Variants in IGSF11 observed in about 807,000 individuals in gnomAD.
The protein encoded by IGSF11 is immunoglobulin superfamily member 11.
A neutral mutation model predicts 41.0 loss-of-function variants in IGSF11; 22 were observed. The ratio of observed to expected loss-of-function variants is 0.54; its 90% CI spans 0.38 to 0.77. IGSF11 has a LOEUF of 0.77. Ranked by LOEUF, IGSF11 falls within the 30% of genes least tolerant of loss-of-function variation. The probability of loss-of-function intolerance (pLI) is 0.00; values close to 1 mark genes in which losing one functional copy is unlikely to be tolerated. For missense variants in IGSF11, 444 were observed against 530.8 expected (o/e 0.84, Z 1.61); for synonymous variants, 219 against 201.3 (o/e 1.09, Z -0.74).
intron 1 of IGSF11, among the ~76,000 whole-genome samples, chr3:118,936,882 C>G (rs1943319823): frequency 6.6e-6 from 1 of 152,164 alleles, no homozygotes; most frequent in African/African-American, 2.4e-5. Context: ...ACTACACAGC[C>G]AAGAGAACAG....
At chr3:119,101,421 A>G (rs907618782) in intron 1 of IGSF11, among the ~76,000 whole-genome samples, 1 of 152,170 alleles carries the variant, frequency 6.6e-6, no homozygotes, top group Non-Finnish European at 1.5e-5. Flanking sequence ...AGGCAGGAGA[A>G]TCACTTGAAT....
chr3:118,911,180 T>G (rs1024005942), intron 4 of IGSF11, among the ~76,000 whole-genome samples: 1 of 152,062 alleles, frequency 6.6e-6, no homozygotes, highest in South Asian at 2.1e-4. Context: ...AATACAGTTA[T>G]AACTGTTGAC....
At chr3:118,909,094 T>TA (rs1455865420) in intron 4 of IGSF11, among the ~76,000 whole-genome samples, 1 of 152,178 alleles carries the variant, frequency 6.6e-6, no homozygotes, top group African/African-American at 2.4e-5. Context: ...TTCCGAATCA[T>TA]AAAAAAATTC....
chr3:118,997,349 A>G (rs1373586403), intron 1 of IGSF11, among the ~76,000 whole-genome samples: 1 of 152,234 alleles, frequency 6.6e-6, no homozygotes, highest in Admixed American at 6.5e-5. Context: ...GAAAGATTAA[A>G]GTGTCTCTCT....
At chr3:118,963,151 C>T (rs971521522) in intron 1 of IGSF11, among the ~76,000 whole-genome samples, 4 of 152,128 alleles carry the variant, frequency 2.6e-5, no homozygotes, top group African/African-American at 9.7e-5. Flanking sequence ...GTCATACCCG[C>T]TTAAAATGCT....
chr3:118,911,777 C>T (rs2107486739), intron 4 of IGSF11, among the ~76,000 whole-genome samples: 1 of 152,126 alleles, frequency 6.6e-6, no homozygotes, highest in East Asian at 1.9e-4. Flanking sequence ...CTGAGTGTTA[C>T]AACCACGCCA....
intron 1 of IGSF11, among the ~76,000 whole-genome samples, chr3:118,955,919 C>T (rs1469601476): frequency 1.3e-5 from 2 of 152,172 alleles, no homozygotes; most frequent in Non-Finnish European, 2.9e-5. Flanking sequence ...TTTCTTCAAA[C>T]AGAAGGCTGT....
intron 1 of IGSF11, among the ~76,000 whole-genome samples, chr3:118,970,271 T>G (rs1400300354): frequency 6.6e-6 from 1 of 152,124 alleles, no homozygotes; most frequent in Non-Finnish European, 1.5e-5. Flanking sequence ...CTGAAAAAAA[T>G]AATTCCTATT....
chr3:119,005,439 A>C lies in IGSF11; in HGVS notation c.52+29092T>G, dbSNP rs367770239. Among the ~76,000 whole-genome samples, 36 of 151,148 alleles carry C rather than the reference A, an allele frequency of 2.4e-4. No homozygotes were observed. The East Asian group carries it at 6.6e-3, about 28-fold the overall frequency. ...TCCAACTCGCCAGTCTGTGTCTTTT[A>C]ATTGGAGCATTTAGTCCATTTACAT... is the stretch of plus-strand genomic sequence containing the variant. On this transcript the variant is annotated intron_variant, in intron 1 of 6. Coordinates refer to ENST00000393775, the MANE Select transcript of IGSF11 (RefSeq NM_001015887.3).
Position 119,034,618 on chromosome 3 carries a change from G to T in IGSF11, c.-36C>A, listed in dbSNP as rs111941506. The T allele has an allele frequency of 3.8e-6, 6 of 1,559,946 alleles. No individual in the cohort carries two copies. In the South Asian group the frequency reaches 7.2e-5, roughly 19 times the overall value. On this transcript the variant is annotated 5_prime_UTR_variant, in exon 1 of 7. Transcript: ENST00000393775. ...CAGGGAGCGCGCCTGCCTCCTACCC[G>T]GCTCCCGGTCGCAACAGGAGAGGAG...
intron 1 of IGSF11, among the ~76,000 whole-genome samples, chr3:119,119,514 C>T (rs761790610): frequency 5.9e-5 from 9 of 152,172 alleles, no homozygotes; most frequent in Non-Finnish European, 1.3e-4. Flanking sequence ...TGGGTGGGGA[C>T]ACAACCAAAC....
intron 1 of IGSF11, among the ~76,000 whole-genome samples, chr3:119,042,995 C>T (rs574860908): frequency 1.2e-4 from 18 of 152,264 alleles, no homozygotes; most frequent in South Asian, 2.1e-4. Flanking sequence ...CTTGGCCTAA[C>T]GGATTCCAGG....
intron 1 of IGSF11, among the ~76,000 whole-genome samples, chr3:119,110,439 C>T (rs929369114): frequency 2.0e-5 from 3 of 152,086 alleles, no homozygotes; most frequent in African/African-American, 4.8e-5. Flanking sequence ...TTTCCATTTG[C>T]TTGGTAGATC....
chr3:119,079,857 G>A (rs1489951343), intron 1 of IGSF11, among the ~76,000 whole-genome samples: 2 of 152,212 alleles, frequency 1.3e-5, no homozygotes, highest in East Asian at 1.9e-4. Flanking sequence ...ACAAAACAGG[G>A]AACAAAAGAC....
chr3:119,094,578 C>A (rs1550092), intron 1 of IGSF11, among the ~76,000 whole-genome samples: 63,775 of 151,156 alleles, frequency 0.42, 14,282 homozygotes, highest in Non-Finnish European at 0.51. Flanking sequence ...GTGAGTGCAA[C>A]CAAAATTGAA....
At chr3:118,988,760 C>T (rs1332425217) in intron 1 of IGSF11, among the ~76,000 whole-genome samples, 2 of 152,222 alleles carry the variant, frequency 1.3e-5, no homozygotes, top group Non-Finnish European at 2.9e-5. Context: ...TTCAATGGCA[C>T]TACGAGTTCT....
chr3:118,974,852 A>G (rs985081095), intron 1 of IGSF11, among the ~76,000 whole-genome samples: 3 of 152,124 alleles, frequency 2.0e-5, no homozygotes, highest in South Asian at 2.1e-4. Flanking sequence ...AGTTAATCTC[A>G]TTAAAAATAT....
At chr3:118,933,947 C>G (rs1171915423) in intron 1 of IGSF11, among the ~76,000 whole-genome samples, 3 of 151,974 alleles carry the variant, frequency 2.0e-5, no homozygotes, top group African/African-American at 7.3e-5. Flanking sequence ...TGCTTGGCCC[C>G]CTTAGTGACC....
chr3:119,049,391 A>G (rs1419336623), intron 1 of IGSF11, among the ~76,000 whole-genome samples: 2 of 152,168 alleles, frequency 1.3e-5, no homozygotes, highest in Admixed American at 1.3e-4. Flanking sequence ...GTGAACTCCC[A>G]TTCACAATTG....
Sources: gnomAD v4.1 joint callset for allele counts (sites outside exome capture counted in the v4.1 genomes callset) on GRCh38, gnomAD v4.1.1 for gene constraint, MANE v1.5 for transcripts, NCBI Gene and HGNC (gene_info 2026-07-23, HGNC 2026-07-21) for gene names.